DCC: variants seen among roughly 807,000 people sequenced by gnomAD.
DCC encodes the protein DCC netrin 1 receptor.
Under a neutral mutation model 172.5 loss-of-function variants are expected in DCC, and 58 were observed. That is an observed-to-expected ratio of 0.34 (90% CI 0.27 to 0.42). DCC has a LOEUF of 0.42. Among genes scored for constraint, DCC ranks in the 10% least tolerant of loss-of-function variants. The probability of loss-of-function intolerance (pLI) is 1.00; values close to 1 mark genes in which losing one functional copy is unlikely to be tolerated. For missense variants in DCC, 1,740 were observed against 1,791.0 expected (o/e 0.97, Z 0.51); for synonymous variants, 709 against 644.5 (o/e 1.10, Z -1.52).
chr18:52,496,022 T>C (rs1475621868), intron 1 of DCC, among the ~76,000 whole-genome samples: 1 of 152,158 alleles, frequency 6.6e-6, no homozygotes. Flanking sequence ...CTATACTAAA[T>C]GCCTTACATA....
chr18:52,919,455 T>C (rs1458053340), intron 3 of DCC, among the ~76,000 whole-genome samples: 1 of 152,208 alleles, frequency 6.6e-6, no homozygotes, highest in African/African-American at 2.4e-5. Flanking sequence ...AATACCAAAC[T>C]TATTGGGGAA....
At chr18:52,598,595 C>A (rs532022147) in intron 1 of DCC, among the ~76,000 whole-genome samples, 1 of 152,300 alleles carries the variant, frequency 6.6e-6, no homozygotes, top group East Asian at 1.9e-4. Context: ...AGCTGCAGGC[C>A]TCTTGTGCAT....
At chr18:53,258,223 C>T (rs1444737845) in intron 12 of DCC, among the ~76,000 whole-genome samples, 19 of 152,042 alleles carry the variant, frequency 1.2e-4, no homozygotes, top group Admixed American at 1.2e-3. Context: ...CAGTTCTGCT[C>T]TGATCTTAGT....
intron 12 of DCC, among the ~76,000 whole-genome samples, chr18:53,305,154 T>G (rs1478790946): frequency 1.3e-5 from 2 of 152,226 alleles, no homozygotes; most frequent in African/African-American, 4.8e-5. Context: ...CTCTTTTTCT[T>G]TATAAATTAC....
chr18:52,879,411 G>GTTTTTTTTTTTTT (rs1568164319), intron 2 of DCC, among the ~76,000 whole-genome samples: 1 of 44,968 alleles, frequency 2.2e-5, no homozygotes, highest in African/African-American at 8.1e-5. Context: ...ATGTTGTTTG[G>GTTTTTTTTTTTTT]CTTTTTTTTT....
intron 25 of DCC, among the ~76,000 whole-genome samples, chr18:53,477,838 A>T (rs1599196300): frequency 6.6e-6 from 1 of 152,210 alleles, no homozygotes; most frequent in East Asian, 1.9e-4. Context: ...CATGAAAAAC[A>T]TGCCAGCTGA....
chr18:52,670,150 T>TC (rs1350461670), intron 1 of DCC, among the ~76,000 whole-genome samples: 1 of 152,240 alleles, frequency 6.6e-6, no homozygotes, highest in Admixed American at 6.5e-5. Context: ...CCCACTGTTG[T>TC]CTTTTAAATT....
At chr18:53,172,398 T>C (rs950532080) in intron 8 of DCC, among the ~76,000 whole-genome samples, 6 of 152,102 alleles carry the variant, frequency 3.9e-5, no homozygotes, top group African/African-American at 1.4e-4. Context: ...AGATCAATCA[T>C]ACCTCAAACC....
chr18:53,475,382 TG>T (rs1431839496), intron 25 of DCC, among the ~76,000 whole-genome samples: 1 of 152,200 alleles, frequency 6.6e-6, no homozygotes, highest in Non-Finnish European at 1.5e-5. Flanking sequence ...ATCATGGCCC[TG>T]GAGGCCTTGG....
At chr18:53,295,818 T>C (rs1056109593) in intron 12 of DCC, among the ~76,000 whole-genome samples, 2 of 152,220 alleles carry the variant, frequency 1.3e-5, no homozygotes, top group Non-Finnish European at 2.9e-5. Context: ...CCGTGTTGCC[T>C]ATGTCAGAAA....
chr18:53,150,081 C>T (rs1405588281), intron 7 of DCC, among the ~76,000 whole-genome samples: 1 of 152,200 alleles, frequency 6.6e-6, no homozygotes, highest in African/African-American at 2.4e-5. Flanking sequence ...ACCAGGGCTT[C>T]CTCTAGGGAT....
At chr18:52,430,430 G>T (rs886688101) in intron 1 of DCC, among the ~76,000 whole-genome samples, 1 of 152,066 alleles carries the variant, frequency 6.6e-6, no homozygotes, top group Admixed American at 6.6e-5. Context: ...TGAGGTGTAG[G>T]GATAAGGAAG....
At chr18:53,045,242 T>C (rs140774491) in intron 5 of DCC, among the ~76,000 whole-genome samples, 1,540 of 151,972 alleles carry the variant, frequency 0.01, 21 homozygotes, top group Non-Finnish European at 0.017. Context: ...AAACATTTCC[T>C]CAAGCTTTTC....
intron 7 of DCC, among the ~76,000 whole-genome samples, chr18:53,146,107 C>A (rs112525388): frequency 6.6e-6 from 1 of 152,080 alleles, no homozygotes; most frequent in Non-Finnish European, 1.5e-5. Flanking sequence ...TGGCACACAC[C>A]TGTAATCCCA....
In DCC at chr18:53,255,488, G is replaced by A. The variant is rs181993733; in HGVS notation, c.1911+39891G>A. ...GTGTTTGGTTTTTTGTCTTGCGATA[G>A]TTTGCTTAGAATGATGGTTTCCAGC... On this transcript the variant is annotated intron_variant, in intron 12 of 28. Transcript: ENST00000442544. 4.4e-3 allele frequency among the ~76,000 whole-genome samples: 657 copies of A among 150,836 alleles called. 2 individuals are homozygous for A. The highest frequency in any genetic ancestry group is 0.017 in the Middle Eastern group (5 of 292).
chr18:53,321,846 C>T (rs937533580), intron 13 of DCC, among the ~76,000 whole-genome samples: 1 of 152,144 alleles, frequency 6.6e-6, no homozygotes, highest in African/African-American at 2.4e-5. Context: ...GAAAAAAACT[C>T]ATAAGAATGT....
intron 1 of DCC, among the ~76,000 whole-genome samples, chr18:52,417,376 CT>C (rs1359340194): frequency 1.3e-5 from 2 of 152,010 alleles, no homozygotes; most frequent in Non-Finnish European, 2.9e-5. Flanking sequence ...CGAGGAGTAT[CT>C]TTGTGGCATT....
At chr18:52,907,315 T>TATGTAG (rs1276967502) in intron 3 of DCC, among the ~76,000 whole-genome samples, 1 of 146,296 alleles carries the variant, frequency 6.8e-6, no homozygotes, top group Non-Finnish European at 1.5e-5. Flanking sequence ...TACATATGTA[T>TATGTAG]ATGTATATAT....
chr18:52,514,643 A>G (rs1304653258), intron 1 of DCC, among the ~76,000 whole-genome samples: 1 of 152,214 alleles, frequency 6.6e-6, no homozygotes, highest in Non-Finnish European at 1.5e-5. Flanking sequence ...TGTGCTGCTT[A>G]TTATCAAATG....
Sources: allele counts gnomAD v4.1 joint callset (sites outside exome capture counted in the v4.1 genomes callset), GRCh38; gene constraint gnomAD v4.1.1; transcripts MANE v1.5; gene names NCBI Gene and HGNC (gene_info 2026-07-23, HGNC 2026-07-21).